Variants in RYR3 observed in about 807,000 individuals in gnomAD.
RYR3 encodes brain ryanodine receptor-calcium release channel.
A neutral mutation model predicts 584.3 loss-of-function variants in RYR3; 207 were observed. That is an observed-to-expected ratio of 0.35 (90% CI 0.32 to 0.40). The LOEUF (loss-of-function observed/expected upper bound fraction) is 0.40, where lower values mean the gene tolerates loss of function less well. Among genes scored for constraint, RYR3 ranks in the 10% least tolerant of loss-of-function variants. The probability of loss-of-function intolerance (pLI) is 1.00; values close to 1 mark genes in which losing one functional copy is unlikely to be tolerated. For missense variants in RYR3, 5,616 were observed against 6,089.2 expected (o/e 0.92, Z 2.59); for synonymous variants, 2,416 against 2,248.5 (o/e 1.07, Z -2.11).
Position 33,706,632 on chromosome 15 carries a change from A to C in RYR3, c.6484-287A>C, listed in dbSNP as rs115035498. Among the ~76,000 whole-genome samples the C allele has an allele frequency of 0.022, 3,280 of 152,276 alleles. 130 individuals are homozygous for C. The highest frequency in any genetic ancestry group is 0.075 in the African/African-American group (3,134 of 41,552). Reference sequence around the variant, plus strand: ...TCACGTTTTGCTTATTCATTCATTCATCCATCAGTGGCCACGTGGGTTGCT... The same window carrying C: ...TCACGTTTTGCTTATTCATTCATTCCTCCATCAGTGGCCACGTGGGTTGCT... On this transcript the variant is annotated intron_variant, in intron 42 of 103. Transcript: ENST00000634891.
intron 1 of RYR3, among the ~76,000 whole-genome samples, chr15:33,355,057 G>T (rs1264460203): frequency 6.6e-6 from 1 of 151,944 alleles, no homozygotes; most frequent in African/African-American, 2.4e-5. Flanking sequence ...GGTGGTACAC[G>T]CCTGTAATCC....
At chr15:33,704,708 A>T (rs760211834) in intron 42 of RYR3, among the ~76,000 whole-genome samples, 1 of 152,234 alleles carries the variant, frequency 6.6e-6, no homozygotes, top group Non-Finnish European at 1.5e-5. Context: ...TTTGAACTCC[A>T]TATCCTATTC....
chr15:33,421,841 A>G (rs1377611616), intron 1 of RYR3, among the ~76,000 whole-genome samples: 2 of 152,216 alleles, frequency 1.3e-5, no homozygotes, highest in African/African-American at 4.8e-5. Context: ...TCAGATGTAG[A>G]AGCAGAACAA....
chr15:33,400,472 C>T (rs1018084484), intron 1 of RYR3, among the ~76,000 whole-genome samples: 1 of 152,154 alleles, frequency 6.6e-6, no homozygotes, highest in South Asian at 2.1e-4. Context: ...TTTGCATTCA[C>T]GTGCTGGGGG....
At chr15:33,778,780 G>T (rs893609323) in intron 64 of RYR3, among the ~76,000 whole-genome samples, 1 of 152,210 alleles carries the variant, frequency 6.6e-6, no homozygotes, top group African/African-American at 2.4e-5. Flanking sequence ...GGTTTTAGCA[G>T]TCAAACATTT....
chr15:33,325,365 C>G (rs907176534), intron 1 of RYR3, among the ~76,000 whole-genome samples: 1 of 152,212 alleles, frequency 6.6e-6, no homozygotes. Context: ...TCACTCATAT[C>G]TAAAGATGAA....
intron 67 of RYR3, among the ~76,000 whole-genome samples, chr15:33,790,945 T>C (rs541202774): frequency 6.6e-6 from 1 of 152,284 alleles, no homozygotes; most frequent in East Asian, 1.9e-4. Context: ...ATGCTGCTGG[T>C]AAATAAGATG....
chr15:33,648,623 G>C (rs929664010), intron 30 of RYR3, among the ~76,000 whole-genome samples: 3 of 152,228 alleles, frequency 2.0e-5, no homozygotes, highest in African/African-American at 7.2e-5. Flanking sequence ...TTTAGAAGGA[G>C]AAAGTGTAAC....
intron 19 of RYR3, among the ~76,000 whole-genome samples, chr15:33,620,194 C>T (rs1414032580): frequency 6.6e-6 from 1 of 152,128 alleles, no homozygotes; most frequent in Non-Finnish European, 1.5e-5. Flanking sequence ...GAAAGGGCAC[C>T]TCTTTTCCAT....
At chr15:33,313,873 G>C (rs1286495224) in intron 1 of RYR3, among the ~76,000 whole-genome samples, 1 of 152,192 alleles carries the variant, frequency 6.6e-6, no homozygotes, top group Non-Finnish European at 1.5e-5. Flanking sequence ...CAAATTGTTA[G>C]TGGTTGTAGT....
chr15:33,557,883 T>A (rs1248296994), intron 10 of RYR3, among the ~76,000 whole-genome samples: 1 of 152,216 alleles, frequency 6.6e-6, no homozygotes, highest in Non-Finnish European at 1.5e-5. Flanking sequence ...CAGAGGATAA[T>A]GATTACTGCC....
chr15:33,619,376 T>C (rs2060605388), intron 19 of RYR3, among the ~76,000 whole-genome samples: 2 of 152,176 alleles, frequency 1.3e-5, no homozygotes, highest in African/African-American at 2.4e-5. Flanking sequence ...TCCATGGAAC[T>C]CAAGGAGCCA....
chr15:33,401,792 A>G (rs2042690104), intron 1 of RYR3, among the ~76,000 whole-genome samples: 1 of 152,182 alleles, frequency 6.6e-6, no homozygotes, highest in South Asian at 2.1e-4. Context: ...AATAAATACA[A>G]TCTCTCTTTT....
chr15:33,759,238 C>T (rs1384436323), intron 60 of RYR3, among the ~76,000 whole-genome samples: 1 of 152,210 alleles, frequency 6.6e-6, no homozygotes, highest in African/African-American at 2.4e-5. Flanking sequence ...TGTCTCTTCT[C>T]CTCCAAAGGA....
intron 22 of RYR3, among the ~76,000 whole-genome samples, chr15:33,630,733 C>A (rs1426588834): frequency 6.6e-6 from 1 of 152,160 alleles, no homozygotes; most frequent in Admixed American, 6.5e-5. Context: ...TATTTGCTGA[C>A]CTGTGGGCTG....
chr15:33,358,736 G>A lies in RYR3; in HGVS notation c.51+47640G>A, dbSNP rs377107434. The stretch of plus-strand genomic sequence containing the variant: ...TTTTGCTTCTTTTGCAGTACCTAGC[G>A]CCTTAGCGGTAGTTAAATTTATAAA... On this transcript the variant is annotated intron_variant, in intron 1 of 103. Transcript: ENST00000634891. Among the ~76,000 whole-genome samples the A allele has an allele frequency of 1.5e-4, 22 of 151,378 alleles. No individual in the cohort carries two copies. The East Asian group carries it at 1.6e-3, about 11-fold the overall frequency.
intron 89 of RYR3, 42 bp downstream of exon 89, chr15:33,839,000 AT>A (rs748984754): frequency 6.8e-5 from 107 of 1,568,476 alleles, no homozygotes; most frequent in Non-Finnish European, 8.3e-5. Flanking sequence ...TATCCCCAGA[AT>A]AAGACTTGCC....
At chr15:33,463,155 C>G (rs1300919463) in intron 1 of RYR3, among the ~76,000 whole-genome samples, 1 of 151,730 alleles carries the variant, frequency 6.6e-6, no homozygotes. Flanking sequence ...CAGAGTGAGA[C>G]CCTATCTCAA....
intron 3 of RYR3, among the ~76,000 whole-genome samples, chr15:33,508,363 G>C (rs1379231362): frequency 6.6e-6 from 1 of 151,910 alleles, no homozygotes; most frequent in Non-Finnish European, 1.5e-5. Context: ...TTTTAACCTT[G>C]ATTGGGCTGG....
Sources: gnomAD v4.1 joint callset for allele counts (sites outside exome capture counted in the v4.1 genomes callset) on GRCh38, gnomAD v4.1.1 for gene constraint, MANE v1.5 for transcripts, NCBI Gene and HGNC (gene_info 2026-07-23, HGNC 2026-07-21) for gene names.